ANKRD26: variants seen among roughly 807,000 people sequenced by gnomAD.
ANKRD26 encodes ankyrin repeat domain 26, also known as ankyrin repeat domain-containing protein 26.
ANKRD26 carries 141 observed loss-of-function variants against 208.7 expected under a neutral mutation model. That is an observed-to-expected ratio of 0.68 (90% CI 0.59 to 0.78). The LOEUF is 0.78. Among genes scored for constraint, ANKRD26 ranks in the 30% least tolerant of loss-of-function variants. The pLI, the probability that ANKRD26 is intolerant of heterozygous loss-of-function variation, is 0.00. For missense variants in ANKRD26, 1,889 were observed against 1,938.7 expected (o/e 0.97, Z 0.48); for synonymous variants, 636 against 660.4 (o/e 0.96, Z 0.57).
At chr10:26,951,258 C>T in the ANKRD26 span, among the ~76,000 whole-genome samples, 135 of 152,076 alleles carry the variant, frequency 8.9e-4, no homozygotes, top group African/African-American at 3.0e-3. Flanking sequence ...GATTTGTGGA[C>T]TGAAGAGCTC....
intron 12 of ANKRD26, chr10:27,062,311 G>T: frequency 1.4e-6 from 1 of 709,552 alleles, no homozygotes; most frequent in Non-Finnish European, 1.7e-6. Flanking sequence ...GCTTTATTCT[G>T]ATCCTGTTAT....
chr10:27,073,390 C>T (rs1265803716), intron 9 of ANKRD26, among the ~76,000 whole-genome samples: 2 of 152,146 alleles, frequency 1.3e-5, no homozygotes, highest in Non-Finnish European at 2.9e-5. Context: ...CTGCCCTCCA[C>T]GTTCAGGCTT....
chr10:27,079,271 G>A (rs1044368217), intron 6 of ANKRD26, 110 bp from the exon 7 acceptor site: 6 of 820,954 alleles, frequency 7.3e-6, no homozygotes, highest in African/African-American at 1.7e-5. Flanking sequence ...ACAAAAACCT[G>A]GTGAAAGGTC....
intron 25 of ANKRD26, among the ~76,000 whole-genome samples, chr10:27,031,237 T>G (rs1183618657): frequency 1.3e-5 from 2 of 152,174 alleles, no homozygotes; most frequent in Non-Finnish European, 2.9e-5. Flanking sequence ...ATATGTCTTA[T>G]AAATGAATGT....
chr10:27,054,002 A>T (rs973109949), intron 15 of ANKRD26, among the ~76,000 whole-genome samples: 2 of 151,914 alleles, frequency 1.3e-5, no homozygotes, highest in Admixed American at 6.6e-5. Context: ...ATTTTGACAA[A>T]TTTTTTTTCA....
chr10:27,091,720 G>A (rs777591318), intron 4 of ANKRD26, among the ~76,000 whole-genome samples: 11 of 152,214 alleles, frequency 7.2e-5, no homozygotes, highest in Non-Finnish European at 1.2e-4. Flanking sequence ...GGGCGCAGTG[G>A]CTTAATGCCT....
At chr10:27,020,989 T>A (rs35696911) in intron 29 of ANKRD26, among the ~76,000 whole-genome samples, 2,838 of 150,444 alleles carry the variant, frequency 0.019, 155 homozygotes, top group East Asian at 0.16. Flanking sequence ...AAAAAAAAAA[T>A]TCCATTTTTA....
intron 5 of ANKRD26, among the ~76,000 whole-genome samples, chr10:26,976,222 CTT>C (rs10707905): frequency 2.0e-5 from 3 of 150,100 alleles, no homozygotes; most frequent in Admixed American, 1.3e-4. Context: ...TAATTTTTTT[CTT>C]TTTTTTTTGA....
intron 6 of ANKRD26, 67 bp downstream of exon 6, chr10:27,082,736 G>C (rs2055970730): frequency 6.6e-7 from 1 of 1,521,150 alleles, no homozygotes; most frequent in Non-Finnish European, 8.8e-7. Context: ...ACCCAGAGTA[G>C]GGCACTCAAC....
rs1456060536 is a variant in ANKRD26 at position 27,035,075 on chromosome 10, G to A, written c.3375C>T (p.Tyr1125=). 3.1e-6 allele frequency: 5 copies of A among 1,613,084 alleles called. No individual in the cohort carries two copies. Among genetic ancestry groups the A allele is most frequent in the East Asian group, 2.2e-5 (1 of 44,850 alleles). The change falls in exon 24 of 34, where the codon TAC becomes TAT. Residue 1125 remains tyrosine (Y), a synonymous_variant. Transcript: ENST00000376087. ...YQNEQVKVNK[Y]IGKQESVEER... ...CCTCTACAGACTCCTGCTTTCCAAT[G>A]TATTTATTCACTTTAACTTGTTCAT...
chr10:27,049,290 T>C (rs1002060093), intron 16 of ANKRD26, among the ~76,000 whole-genome samples: 24 of 152,132 alleles, frequency 1.6e-4, no homozygotes, highest in Non-Finnish European at 7.4e-5. Context: ...CACTATCTAC[T>C]ATGAATTTTC....
chr10:27,047,722 C>CTACTAATAATAA (rs1235967013), intron 17 of ANKRD26, among the ~76,000 whole-genome samples: 6 of 145,156 alleles, frequency 4.1e-5, no homozygotes, highest in African/African-American at 1.6e-4. Context: ...ACTACTACTA[C>CTACTAATAATAA]TAATAATAAT....
intron 23 of ANKRD26, among the ~76,000 whole-genome samples, 156 bp from the exon 24 acceptor site, chr10:27,035,908 C>T (rs1415672799): frequency 1.3e-5 from 2 of 150,794 alleles, no homozygotes; most frequent in African/African-American, 2.4e-5. Context: ...AAACTCAAAC[C>T]GTATAGAGCA....
intron 22 of ANKRD26, among the ~76,000 whole-genome samples, 155 bp from the exon 23 acceptor site, chr10:27,037,478 C>T (rs1267764671): frequency 6.6e-6 from 1 of 152,078 alleles, no homozygotes; most frequent in Non-Finnish European, 1.5e-5. Flanking sequence ...ATTTTAATCA[C>T]CTAAGTGACA....
At chr10:27,013,239 T>G (rs2053178433) in intron 31 of ANKRD26, 129 bp from the exon 32 acceptor site, 1 of 780,472 alleles carries the variant, frequency 1.3e-6, no homozygotes, top group African/African-American at 1.7e-5. Flanking sequence ...ATTTTAACAC[T>G]GAAAAATGTG....
chr10:27,082,704 A>G, intron 6 of ANKRD26, 99 bp downstream of exon 6: 2 of 1,460,094 alleles, frequency 1.4e-6, no homozygotes, highest in Non-Finnish European at 1.8e-6. Flanking sequence ...GACTATATGG[A>G]GAAGCACATA....
intron 32 of ANKRD26, among the ~76,000 whole-genome samples, chr10:27,009,718 G>A (rs1424732196): frequency 1.3e-5 from 2 of 151,950 alleles, no homozygotes; most frequent in East Asian, 1.9e-4. Context: ...ATACAAAATC[G>A]AAAGCTATTA....
At chr10:26,994,144 C>G (rs1256815202) in intron 5 of ANKRD26, among the ~76,000 whole-genome samples, 1 of 152,132 alleles carries the variant, frequency 6.6e-6, no homozygotes, top group Non-Finnish European at 1.5e-5. Flanking sequence ...TCCACAGCAG[C>G]TCTCTCCAGT....
chr10:27,038,092 TACAAAATAAAAAGTTC>T (rs749036781), intron 21 of ANKRD26, 38 bp from the exon 22 acceptor site: 4 of 1,559,088 alleles, frequency 2.6e-6, no homozygotes, highest in Non-Finnish European at 3.5e-6. Context: ...TCTGTATTGT[TACAAAATAAAAAGTTC>T]ATTGTGTGAT....
Sources: allele counts gnomAD v4.1 joint callset (sites outside exome capture counted in the v4.1 genomes callset), GRCh38; gene constraint gnomAD v4.1.1; transcripts MANE v1.5; gene names NCBI Gene and HGNC (gene_info 2026-07-23, HGNC 2026-07-21).